The following RMDN1 variants were observed in gnomAD, a reference collection of about 807,000 sequenced individuals.
The protein encoded by RMDN1 is regulator of microtubule dynamics protein 1.
RMDN1 carries 48 observed loss-of-function variants against 48.9 expected under a neutral mutation model. The observed-to-expected ratio is 0.98, with a 90% CI of 0.78 to 1.25. RMDN1 has a LOEUF of 1.25. Among genes scored for constraint, RMDN1 ranks in the 50% most tolerant of loss-of-function variants. RMDN1 has a pLI of 0.00. For missense variants in RMDN1, 418 were observed against 373.4 expected, an observed-to-expected ratio of 1.12 and a Z score of -0.98; for synonymous variants, 148 against 132.6, an observed-to-expected ratio of 1.12 and a Z score of -0.80.
upstream of RMDN1, among the ~76,000 whole-genome samples, chr8:86,509,292 GAAACAA>G (rs1246630471): frequency 6.6e-6 from 1 of 152,074 alleles, no homozygotes; most frequent in Non-Finnish European, 1.5e-5. Flanking sequence ...GTAAAAAACA[GAAACAA>G]AAACAAACCC....
chr8:86,483,479 TAAGA>T (rs1278023798), intron 5 of RMDN1, among the ~76,000 whole-genome samples: 9 of 152,242 alleles, frequency 5.9e-5, no homozygotes, highest in African/African-American at 1.7e-4. Context: ...TATGTGCCAC[TAAGA>T]AAGAAAGTAT....
Position 86,473,528 on chromosome 8 carries a change from G to A in RMDN1, c.*780C>T, listed in dbSNP as rs1361158982. The A allele has an allele frequency of 1.1e-6, 1 of 882,214 alleles. No homozygotes were observed. Among genetic ancestry groups the A allele is most frequent in the Admixed American group, 6.2e-5 (1 of 16,122 alleles). The allele number at this position is 882,214 out of a possible 1,614,324, so 54.6% of individuals were successfully genotyped here. A position where few individuals can be genotyped will look rare whatever the true frequency, so the allele number is the denominator to read the frequency against. On this transcript the variant is annotated 3_prime_UTR_variant, in exon 10 of 10. Transcript: ENST00000406452. Reference sequence around the variant, plus strand: ...CGCCTGTAATCCCAGCAATTTGGGAGGCCAAGGCGGGCAGATCACTTGAGG... The same window carrying A: ...CGCCTGTAATCCCAGCAATTTGGGAAGCCAAGGCGGGCAGATCACTTGAGG...
intron 2 of RMDN1, among the ~76,000 whole-genome samples, chr8:86,495,972 G>A (rs890707979): frequency 5.9e-5 from 9 of 152,128 alleles, no homozygotes; most frequent in Non-Finnish European, 8.8e-5. Context: ...AGCCTTATAA[G>A]CCAGAAGAGA....
intron 2 of RMDN1, among the ~76,000 whole-genome samples, chr8:86,495,230 G>T (rs28653116): frequency 2.0e-5 from 3 of 152,096 alleles, no homozygotes; most frequent in Non-Finnish European, 2.9e-5. Flanking sequence ...GGGTTGCCAA[G>T]CACCAAGACT....
In RMDN1 at chr8:86,484,970, T is replaced by G; in HGVS notation, c.496-9A>C. On this transcript the variant is annotated splice_polypyrimidine_tract_variant and intron_variant, in intron 4 of 9. Transcript: ENST00000406452. Reference sequence around the variant, plus strand: ...AGGCAGATTGCATACCACTGAAAATTTAAAAAAGTGTAAGAACAATAATAT... The same window carrying G: ...AGGCAGATTGCATACCACTGAAAATGTAAAAAAGTGTAAGAACAATAATAT... 2 of 1,503,538 alleles carry G rather than the reference T, an allele frequency of 1.3e-6. No individual in the cohort carries two copies. Among genetic ancestry groups the G allele is most frequent in the Non-Finnish European group, 1.8e-6 (2 of 1,092,412 alleles). The allele number at this position is 1,503,538 out of a possible 1,614,324, so 93.1% of individuals were successfully genotyped here.
chr8:86,471,634 A>AGAT (rs1812580107), downstream of RMDN1, among the ~76,000 whole-genome samples: 1 of 152,220 alleles, frequency 6.6e-6, no homozygotes, highest in Admixed American at 6.5e-5. Flanking sequence ...AAGGAAGAAG[A>AGAT]GATACAACCA....
chr8:86,508,719 C>CCCGCCTCCTGCACAGCACCTCTT (rs1554597408), upstream of RMDN1: 350,631 of 1,380,544 alleles, frequency 0.25, 49,604 homozygotes, highest in East Asian at 0.53. Context: ...ACCGCGCCCG[C>CCCGCCTCCTGCACAGCACCTCTT]CCGCCTCCTG....
intron 7 of RMDN1, chr8:86,478,485 T>C (rs1163520005): frequency 6.5e-6 from 1 of 152,968 alleles, no homozygotes; most frequent in Non-Finnish European, 1.5e-5. Context: ...TGAGAGAATA[T>C]GAACCTTTCA....
chr8:86,472,207 T>C (rs754517309), downstream of RMDN1: 7 of 584,784 alleles, frequency 1.2e-5, no homozygotes, highest in Non-Finnish European at 1.8e-5. Flanking sequence ...CACACATGTA[T>C]AAATACAGGT....
intron 2 of RMDN1, chr8:86,505,432 TATCAGGAAG>T: frequency 2.2e-6 from 1 of 452,530 alleles, no homozygotes; most frequent in Non-Finnish European, 4.5e-6. Flanking sequence ...ACCTCAGACT[TATCAGGAAG>T]AAGATATACA....
downstream of RMDN1, among the ~76,000 whole-genome samples, chr8:86,472,073 T>C (rs957441175): frequency 6.6e-6 from 1 of 152,234 alleles, no homozygotes; most frequent in African/African-American, 2.4e-5. Context: ...AATGGTTTTG[T>C]GTTTGTTTAG....
chr8:86,506,029 T>C (rs2131327054), intron 2 of RMDN1, among the ~76,000 whole-genome samples: 1 of 152,216 alleles, frequency 6.6e-6, no homozygotes, highest in East Asian at 1.9e-4. Context: ...GTTCTAATTT[T>C]GAATGGAGTC....
intron 1 of RMDN1, among the ~76,000 whole-genome samples, chr8:86,507,610 G>T (rs1353679289): frequency 6.6e-6 from 1 of 152,178 alleles, no homozygotes; most frequent in Admixed American, 6.5e-5. Context: ...AAAGTGCTGG[G>T]ATTACAGGCT....
At chr8:86,498,548 G>A (rs1586738937) in intron 2 of RMDN1, among the ~76,000 whole-genome samples, 1 of 152,120 alleles carries the variant, frequency 6.6e-6, no homozygotes, top group East Asian at 1.9e-4. Context: ...GGAAGCTGAG[G>A]TGGACCGATT....
intron 2 of RMDN1, among the ~76,000 whole-genome samples, chr8:86,490,967 G>C (rs1250184372): frequency 6.6e-6 from 1 of 151,584 alleles, no homozygotes; most frequent in Non-Finnish European, 1.5e-5. Flanking sequence ...AGACCAGCTT[G>C]GGCAAGATGG....
chr8:86,504,358 G>C (rs1818914937), intron 2 of RMDN1: 1 of 1,572,506 alleles, frequency 6.4e-7, no homozygotes, highest in East Asian at 2.2e-5. Context: ...CACCGTGCTG[G>C]AGTTCTTTAG....
At chr8:86,492,683 AATAAT>A (rs1816711200) in intron 2 of RMDN1, among the ~76,000 whole-genome samples, 2 of 149,686 alleles carry the variant, frequency 1.3e-5, no homozygotes, top group African/African-American at 4.9e-5. Context: ...TAATAATAAT[AATAAT>A]AAAGAGATAA....
intron 2 of RMDN1, among the ~76,000 whole-genome samples, chr8:86,501,338 C>CA (rs1818184110): frequency 6.6e-6 from 1 of 151,990 alleles, no homozygotes; most frequent in Admixed American, 6.6e-5. Context: ...ATAATGCTAC[C>CA]AAAATACACT....
Position 86,486,486 on chromosome 8 carries a change from T to C in RMDN1, c.493A>G (p.Lys165Glu), listed in dbSNP as rs2130835371. ...EKNESSFASH[K>E]WYAICLSDVG... Reference sequence around the variant, plus strand: ...AATAGCTTAGTTAAGCAACTCACCTTATGAGATGCAAAACTTGATTCATTT... The same window carrying C: ...AATAGCTTAGTTAAGCAACTCACCTCATGAGATGCAAAACTTGATTCATTT... The change falls in exon 4 of 10, where the codon AAG becomes GAG. Residue 165 changes from lysine (K) to glutamate (E), a missense_variant and splice_region_variant. By Grantham distance (56) the Lys-to-Glu change is moderately conservative. Transcript: ENST00000406452. 6.3e-7 allele frequency: 1 copy of C among 1,596,184 alleles called. No individual in the cohort carries two copies. The highest frequency in any genetic ancestry group is 1.7e-5 in the Admixed American group (1 of 59,078).
Sources: gnomAD v4.1 joint callset for allele counts (sites outside exome capture counted in the v4.1 genomes callset) on GRCh38, gnomAD v4.1.1 for gene constraint, MANE v1.5 for transcripts, NCBI Gene and HGNC (gene_info 2026-07-23, HGNC 2026-07-21) for gene names.